Variants in GABRA2 observed in about 807,000 individuals in gnomAD.
GABRA2 encodes gamma-aminobutyric acid type A receptor subunit alpha2.
In GABRA2, 16 loss-of-function variants were observed where a neutral mutation model predicts 48.7. That is an observed-to-expected ratio of 0.33 (90% confidence interval 0.22 to 0.50). GABRA2 has a LOEUF of 0.50. Ranked by LOEUF, GABRA2 falls within the 20% of genes least tolerant of loss-of-function variation. The pLI is 0.98. For synonymous variants in GABRA2, 185 were observed against 184.5 expected (o/e 1.00, Z -0.02); for missense variants, 275 against 535.6 (o/e 0.51, Z 4.80).
chr4:46,332,317 T>C lies in GABRA2; in HGVS notation c.255+298A>G, dbSNP rs556865642. 4.6e-5 allele frequency among the ~76,000 whole-genome samples: 7 copies of C among 152,208 alleles called. No individual in the cohort carries two copies. The South Asian group carries it at 1.0e-3, about 23-fold the overall frequency. ...ATGGAAGTCCAGAATTCTGCCTTAA[T>C]CCTCCTAGAAAATGTTTCTTCTTAA... is the stretch of plus-strand genomic sequence containing the variant. On this transcript the variant is annotated intron_variant, in intron 4 of 9. Coordinates refer to ENST00000381620, the MANE Select transcript of GABRA2 (RefSeq NM_000807.4).
chr4:46,321,466 C>A (rs569474176), intron 4 of GABRA2, among the ~76,000 whole-genome samples: 26 of 152,106 alleles, frequency 1.7e-4, no homozygotes, highest in African/African-American at 6.0e-4. Flanking sequence ...TAATGTACAT[C>A]TTAAATGTGC....
intron 3 of GABRA2, 47 bp downstream of exon 3, chr4:46,386,027 A>G (rs11503015): frequency 0.058 from 65,397 of 1,124,930 alleles, 2,167 homozygotes; most frequent in South Asian, 0.09. Flanking sequence ...CTTAACTTTT[A>G]AAGGCATTAT....
At chr4:46,359,550 T>C (rs1471971473) in intron 3 of GABRA2, among the ~76,000 whole-genome samples, 1 of 152,190 alleles carries the variant, frequency 6.6e-6, no homozygotes, top group Non-Finnish European at 1.5e-5. Flanking sequence ...ATATCTTTAG[T>C]GAGCTCTCTA....
chr4:46,259,011 T>A (rs1232946921), intron 9 of GABRA2, among the ~76,000 whole-genome samples: 1 of 151,832 alleles, frequency 6.6e-6, no homozygotes, highest in Non-Finnish European at 1.5e-5. Flanking sequence ...TGGCATAGGA[T>A]TAGAAAGTTT....
Position 46,335,132 on chromosome 4 carries a change from G to A in GABRA2, c.188-2450C>T, listed in dbSNP as rs567500733. Among the ~76,000 whole-genome samples, 38 of 152,226 alleles carry A rather than the reference G, an allele frequency of 2.5e-4. No individual in the cohort carries two copies. The South Asian group carries it at 7.3e-3, about 29-fold the overall frequency. On this transcript the variant is annotated intron_variant, in intron 3 of 9. Coordinates refer to ENST00000381620, the MANE Select transcript of GABRA2 (RefSeq NM_000807.4). ...ATATTTTGGCTTTCTATAAGACAAG[G>A]AAAGGGAAGTGAACAAAGAAAAAGG...
chr4:46,385,926 AT>A (rs1023231853), intron 3 of GABRA2, 147 bp downstream of exon 3: 8 of 592,170 alleles, frequency 1.4e-5, no homozygotes, highest in Non-Finnish European at 2.0e-5. Context: ...CACAGACAAT[AT>A]TTTTTCATAT....
rs112837585 is a variant in GABRA2, at chr4:46,246,681, C to T, written c.*3627G>A. 1.9e-4 allele frequency among the ~76,000 whole-genome samples: 29 copies of T among 151,194 alleles called. 1 individual carries two copies. Among genetic ancestry groups the T allele is most frequent in the African/African-American group, 6.5e-4 (27 of 41,404 alleles). On this transcript the variant is annotated 3_prime_UTR_variant, in exon 10 of 10. Coordinates refer to ENST00000381620, the MANE Select transcript of GABRA2 (RefSeq NM_000807.4). ...AACATGCAGATGAATGTCAGTGTGCCAGGAGACTAATAACAATAATAATCT... is the reference window on the plus strand; with the variant it reads ...AACATGCAGATGAATGTCAGTGTGCTAGGAGACTAATAACAATAATAATCT...
At chr4:46,290,808 G>T (rs1039242369) in intron 8 of GABRA2, among the ~76,000 whole-genome samples, 25 of 152,094 alleles carry the variant, frequency 1.6e-4, no homozygotes, top group Admixed American at 6.6e-5. Context: ...GTGACTATGT[G>T]ACAAATTCCT....
At chr4:46,289,917 T>TTA (rs1723286850) in intron 8 of GABRA2, among the ~76,000 whole-genome samples, 2 of 144,660 alleles carry the variant, frequency 1.4e-5, no homozygotes, top group Non-Finnish European at 3.0e-5. Context: ...ATTTTTATTT[T>TTA]TTTTTTTTTT....
At chr4:46,265,413 T>TATAC (rs1717944440) in intron 8 of GABRA2, among the ~76,000 whole-genome samples, 3 of 128,662 alleles carry the variant, frequency 2.3e-5, no homozygotes, top group Middle Eastern at 3.8e-3. Flanking sequence ...TGTGTATATA[T>TATAC]ATAATATATT....
At chr4:46,324,464 C>T (rs758663802) in intron 4 of GABRA2, among the ~76,000 whole-genome samples, 4 of 151,882 alleles carry the variant, frequency 2.6e-5, no homozygotes, top group Non-Finnish European at 5.9e-5. Flanking sequence ...CAAAGACAGC[C>T]TCAAAACTTG....
chr4:46,324,929 A>T (rs1328800265), intron 4 of GABRA2, among the ~76,000 whole-genome samples: 2 of 151,934 alleles, frequency 1.3e-5, no homozygotes, highest in Admixed American at 1.3e-4. Context: ...TAGTTTTCCA[A>T]GGTGTACACA....
Position 46,389,848 on chromosome 4 carries a change from A to AGG in GABRA2, c.-125_-124insCC, listed in dbSNP as rs1268799425. On this transcript the variant is annotated 5_prime_UTR_variant, in exon 1 of 10. Transcript: ENST00000381620. ...GAGAGAGAGAGAGAGAGAGAGAGAG[A>AGG]GAGAGAGAGAGAGACCGAGACTGCA... The AGG allele has an allele frequency of 2.0e-6, 2 of 979,952 alleles. No homozygotes were observed. The highest frequency in any genetic ancestry group is 3.6e-5 in the African/African-American group (2 of 55,354). The allele number at this position is 979,952 out of a possible 1,614,324, so 60.7% of individuals were successfully genotyped here.
chr4:46,299,735 CA>C (rs1725409072), intron 8 of GABRA2, among the ~76,000 whole-genome samples: 1 of 144,998 alleles, frequency 6.9e-6, no homozygotes, highest in African/African-American at 2.5e-5. Flanking sequence ...GGTACCTGTT[CA>C]TCTGAAATTC....
At chr4:46,372,888 A>G (rs1453917964) in intron 3 of GABRA2, among the ~76,000 whole-genome samples, 2 of 152,214 alleles carry the variant, frequency 1.3e-5, no homozygotes, top group African/African-American at 4.8e-5. Context: ...CCTAAACGGA[A>G]GGGATTTGAT....
chr4:46,362,129 A>C (rs1713306382), intron 3 of GABRA2, among the ~76,000 whole-genome samples: 1 of 152,138 alleles, frequency 6.6e-6, no homozygotes, highest in Non-Finnish European at 1.5e-5. Context: ...TGGTTTTGAA[A>C]TGTGATGGCA....
intron 8 of GABRA2, among the ~76,000 whole-genome samples, chr4:46,297,948 C>T (rs1258713056): frequency 1.3e-4 from 20 of 151,968 alleles, no homozygotes; most frequent in Admixed American, 1.3e-3. Flanking sequence ...TTTAATTTCC[C>T]TCAAGGTATT....
chr4:46,321,122 C>T lies in GABRA2; in HGVS notation c.256-8406G>A, dbSNP rs187436393. Among the ~76,000 whole-genome samples, 97 of 151,678 alleles carry T rather than the reference C, an allele frequency of 6.4e-4. 1 individual carries two copies. The highest frequency in any genetic ancestry group is 2.2e-3 in the African/African-American group (91 of 41,364). ...ATTATACTAAGTAAGATAAGTCAGA[C>T]GCAGAAGGAAAATACTGCATGATCT... On this transcript the variant is annotated intron_variant, in intron 4 of 9. Transcript: ENST00000381620.
At chr4:46,355,981 G>C (rs1394870937) in intron 3 of GABRA2, among the ~76,000 whole-genome samples, 2 of 152,040 alleles carry the variant, frequency 1.3e-5, no homozygotes, top group African/African-American at 4.8e-5. Flanking sequence ...ACCTCTTCAA[G>C]AGGCATGTGG....
Sources: allele counts gnomAD v4.1 joint callset (sites outside exome capture counted in the v4.1 genomes callset), GRCh38; gene constraint gnomAD v4.1.1; transcripts MANE v1.5; gene names NCBI Gene and HGNC (gene_info 2026-07-23, HGNC 2026-07-21).